ABHD17C: variants seen among roughly 807,000 people sequenced by gnomAD.
ABHD17C encodes the protein abhydrolase domain containing 17C, depalmitoylase.
ABHD17C carries 11 observed loss-of-function variants against 27.9 expected under a neutral mutation model. The ratio of observed to expected loss-of-function variants is 0.39; its 90% CI spans 0.25 to 0.65. The LOEUF (loss-of-function observed/expected upper bound fraction) is 0.65. ABHD17C is among the 30% of genes least tolerant of loss of function. The pLI is 0.45. For missense variants in ABHD17C, 280 were observed against 470.2 expected, an observed-to-expected ratio of 0.60 and a Z score of 3.74; for synonymous variants, 233 against 209.1, an observed-to-expected ratio of 1.11 and a Z score of -0.98.
intron 1 of ABHD17C, among the ~76,000 whole-genome samples, chr15:80,723,504 T>G (rs1894927633): frequency 6.6e-6 from 1 of 152,216 alleles, no homozygotes. Flanking sequence ...TGAATTACCA[T>G]AGTCTAAGGG....
At chr15:80,716,187 C>T (rs1345274852) in intron 1 of ABHD17C, among the ~76,000 whole-genome samples, 1 of 152,158 alleles carries the variant, frequency 6.6e-6, no homozygotes, top group African/African-American at 2.4e-5. Flanking sequence ...GTTCTTTTAT[C>T]TTCCAAGAGC....
chr15:80,749,426 T>G, intron 1 of ABHD17C, 87 bp from the exon 2 acceptor site: 1 of 1,389,644 alleles, frequency 7.2e-7, no homozygotes, highest in African/African-American at 1.4e-5. Context: ...ATGTGGGAAT[T>G]TTATGGGTTT....
At chr15:80,749,210 T>C (rs2627317) in intron 1 of ABHD17C, among the ~76,000 whole-genome samples, 142,491 of 152,266 alleles carry the variant, frequency 0.94, 66,719 homozygotes, top group East Asian at 0.97. Flanking sequence ...ATGACCATCT[T>C]TGTAGCTACT....
At chr15:80,699,861 T>A (rs1894547214) in intron 1 of ABHD17C, among the ~76,000 whole-genome samples, 1 of 152,132 alleles carries the variant, frequency 6.6e-6, no homozygotes. Context: ...AAGAGTGGCA[T>A]GAACAATGAG....
chr15:80,755,104 C>CTGTA lies in ABHD17C; in HGVS notation c.*735_*738dup. On this transcript the variant is annotated 3_prime_UTR_variant, in exon 3 of 3. Coordinates refer to ENST00000258884, the MANE Select transcript of ABHD17C (RefSeq NM_021214.2). ...CCTCCTTGTAGGCTTTTTTAAAGTA[C>CTGTA]TGTACATATTTGCAATCACATTGTG... The CTGTA allele has an allele frequency of 6.6e-6, 1 of 152,182 alleles. No homozygotes were observed. The highest frequency in any genetic ancestry group is 6.5e-5 in the Admixed American group (1 of 15,276). 9.4% of individuals were successfully genotyped at this position (152,182 alleles called of 1,614,324 possible). A position where few individuals can be genotyped will look rare whatever the true frequency, so the allele number is the denominator to read the frequency against.
intron 1 of ABHD17C, among the ~76,000 whole-genome samples, chr15:80,745,791 T>C (rs1382102616): frequency 6.6e-6 from 1 of 152,174 alleles, no homozygotes; most frequent in Non-Finnish European, 1.5e-5. Context: ...GAAATAAAAA[T>C]ATGAATCTTA....
intron 1 of ABHD17C, among the ~76,000 whole-genome samples, chr15:80,723,613 T>C (rs1018528960): frequency 6.6e-6 from 1 of 152,244 alleles, no homozygotes; most frequent in Non-Finnish European, 1.5e-5. Context: ...TGACTCTTAA[T>C]AGATAGTTTA....
chr15:80,700,292 A>T (rs1465151048), intron 1 of ABHD17C, among the ~76,000 whole-genome samples: 1 of 152,212 alleles, frequency 6.6e-6, no homozygotes, highest in Non-Finnish European at 1.5e-5. Flanking sequence ...GGTGTAAAGG[A>T]GGCAGAGTAT....
At chr15:80,700,836 G>C (rs1596057896) in intron 1 of ABHD17C, among the ~76,000 whole-genome samples, 1 of 152,180 alleles carries the variant, frequency 6.6e-6, no homozygotes, top group East Asian at 1.9e-4. Context: ...CAAAGTTTGA[G>C]ACTGCAGTGA....
At chr15:80,706,006 A>C (rs1459733371) in intron 1 of ABHD17C, among the ~76,000 whole-genome samples, 1 of 152,182 alleles carries the variant, frequency 6.6e-6, no homozygotes, top group East Asian at 1.9e-4. Context: ...CTCTGAGCAG[A>C]GTTAGGGATG....
At chr15:80,732,453 T>C (rs1193436688) in intron 1 of ABHD17C, among the ~76,000 whole-genome samples, 1 of 152,250 alleles carries the variant, frequency 6.6e-6, no homozygotes, top group Non-Finnish European at 1.5e-5. Flanking sequence ...TTTAGTTTCC[T>C]TCTCTATGAA....
chr15:80,695,486 C>A lies in ABHD17C; in HGVS notation c.57C>A (p.Leu19=). Residue 19 remains leucine (L), a synonymous_variant, in exon 1 of 3, where the codon CTC becomes CTA. Coordinates refer to ENST00000258884, the MANE Select transcript of ABHD17C (RefSeq NM_021214.2). The surrounding 1 kb of genome is among the most constrained non-coding windows in gnomAD (Gnocchi z 4.3). ...TCTCGCTGGGTGAGCTGTGCTGGCT[C>A]TTCTGCTGCCCGCCCTGCCCGAGCC... The part of the protein sequence containing the change: ...NGFSLGELCW[L]FCCPPCPSRI... 7.2e-7 allele frequency: 1 copy of A among 1,394,806 alleles called. No individual in the cohort carries two copies. Among genetic ancestry groups the A allele is most frequent in the Admixed American group, 2.4e-5 (1 of 41,780 alleles). The allele number at this position is 1,394,806 out of a possible 1,614,324, so 86.4% of individuals were successfully genotyped here.
chr15:80,737,924 T>C (rs1895155811), intron 1 of ABHD17C, among the ~76,000 whole-genome samples: 1 of 152,092 alleles, frequency 6.6e-6, no homozygotes, highest in South Asian at 2.1e-4. Context: ...ACAGTGATTG[T>C]CCAAAGAGTT....
At chr15:80,727,150 C>T (rs1014837851) in intron 1 of ABHD17C, among the ~76,000 whole-genome samples, 1 of 152,186 alleles carries the variant, frequency 6.6e-6, no homozygotes, top group Non-Finnish European at 1.5e-5. Context: ...CTTAAGGAGA[C>T]CTGACCTTGA....
At chr15:80,746,216 T>C (rs1895281000) in intron 1 of ABHD17C, among the ~76,000 whole-genome samples, 1 of 152,150 alleles carries the variant, frequency 6.6e-6, no homozygotes, top group Admixed American at 6.5e-5. Flanking sequence ...TCTCTTTTTT[T>C]CTCTTTCTCT....
chr15:80,698,894 A>C (rs553159607), intron 1 of ABHD17C, among the ~76,000 whole-genome samples: 2 of 152,256 alleles, frequency 1.3e-5, no homozygotes, highest in South Asian at 4.1e-4. Context: ...CAGGACACTG[A>C]TTGGAGAGCT....
At chr15:80,752,252 G>C (rs1596075608) in intron 2 of ABHD17C, among the ~76,000 whole-genome samples, 1 of 152,170 alleles carries the variant, frequency 6.6e-6, no homozygotes, top group African/African-American at 2.4e-5. Context: ...GGGGAAAGCA[G>C]GTTTCCAAAT....
At chr15:80,721,125 G>A (rs1011579106) in intron 1 of ABHD17C, among the ~76,000 whole-genome samples, 1 of 150,102 alleles carries the variant, frequency 6.7e-6, no homozygotes, top group Non-Finnish European at 1.5e-5. Flanking sequence ...CCATCTTTTT[G>A]TCTACTTTGT....
intron 1 of ABHD17C, among the ~76,000 whole-genome samples, chr15:80,743,161 T>G (rs1483677301): frequency 6.6e-6 from 1 of 152,158 alleles, no homozygotes; most frequent in African/African-American, 2.4e-5. Context: ...GAGGAGATTC[T>G]TCAAGTTCTG....
Sources: allele counts gnomAD v4.1 joint callset (sites outside exome capture counted in the v4.1 genomes callset), GRCh38; gene constraint gnomAD v4.1.1; non-coding constraint Gnocchi (gnomAD v3.1); transcripts MANE v1.5; gene names NCBI Gene and HGNC (gene_info 2026-07-23, HGNC 2026-07-21).